SLC6A12: variants seen among roughly 807,000 people sequenced by gnomAD.
SLC6A12 encodes the protein sodium- and chloride-dependent betaine transporter.
Under a neutral mutation model 73.3 loss-of-function variants are expected in SLC6A12, and 50 were observed. The observed-to-expected ratio is 0.68, with a 90% CI of 0.54 to 0.86. The LOEUF is 0.86. Among genes scored for constraint, SLC6A12 ranks in the 40% least tolerant of loss-of-function variants. The pLI, the probability that SLC6A12 is intolerant of heterozygous loss-of-function variation, is 0.00. For synonymous variants in SLC6A12, 304 were observed against 309.2 expected (o/e 0.98, Z 0.18); for missense variants, 648 against 772.8 (o/e 0.84, Z 1.92).
intron 5 of SLC6A12, 112 bp from the exon 6 acceptor site, chr12:201,961 CT>C: frequency 1.2e-6 from 1 of 837,852 alleles, no homozygotes; most frequent in Non-Finnish European, 1.9e-6. Flanking sequence ...GCCCCAAGAG[CT>C]TCTTTTGGAG....
downstream of SLC6A12, among the ~76,000 whole-genome samples, chr12:187,549 A>T (rs2137091725): frequency 7.0e-6 from 1 of 142,614 alleles, no homozygotes; most frequent in African/African-American, 2.6e-5. Context: ...GGCAGAGTAG[A>T]CCCAAACAGT....
intron 3 of SLC6A12, among the ~76,000 whole-genome samples, chr12:209,460 C>T (rs945091842): frequency 6.6e-6 from 1 of 152,244 alleles, no homozygotes; most frequent in African/African-American, 2.4e-5. Flanking sequence ...ATCATGTTCA[C>T]TGAATGAATG....
chr12:187,189 A>C (rs532078174), downstream of SLC6A12, among the ~76,000 whole-genome samples: 9 of 152,282 alleles, frequency 5.9e-5, no homozygotes, highest in East Asian at 1.7e-3. Context: ...ACCAGTCTGC[A>C]ACTCAAACAC....
At chr12:194,838 G>A (rs2284330) in intron 13 of SLC6A12, among the ~76,000 whole-genome samples, 75,548 of 152,046 alleles carry the variant, frequency 0.5, 19,226 homozygotes, top group African/African-American at 0.59. Context: ...CTGGGTGATC[G>A]CCTCGTTGTT....
At position 213,081 on chromosome 12, in the gene SLC6A12, A is replaced by G. The variant is rs544272311; in HGVS notation, c.-143+841T>C. Among the ~76,000 whole-genome samples the G allele has an allele frequency of 1.5e-4, 23 of 152,188 alleles. No individual in the cohort carries two copies. Among genetic ancestry groups the G allele is most frequent in the Non-Finnish European group, 3.2e-4 (22 of 68,034 alleles). On this transcript the variant is annotated intron_variant, in intron 1 of 15. Coordinates refer to ENST00000684302, the MANE Select transcript of SLC6A12 (RefSeq NM_001122848.3). This position sits in a 1 kb window ranked among gnomAD's most constrained non-coding sequence, Gnocchi z 5.3. Reference sequence around the variant, plus strand: ...GCCCAGCTGGGGCTAGCAGAGGTGCAGACGAGACCAGAAATGCTGCTGCCC... The same window carrying G: ...GCCCAGCTGGGGCTAGCAGAGGTGCGGACGAGACCAGAAATGCTGCTGCCC...
chr12:203,487 G>A (rs1279970111), intron 4 of SLC6A12: 1 of 152,136 alleles, frequency 6.6e-6, no homozygotes, highest in African/African-American at 2.4e-5. Flanking sequence ...GCGGCGTTGG[G>A]GCGGCCCGGG....
rs200303640 is a variant in SLC6A12 at position 191,166 on chromosome 12, T to C, written c.1747A>G (p.Lys583Glu). 2.0e-4 allele frequency: 262 copies of C among 1,306,866 alleles called. 1 individual carries two copies. The East Asian group carries it at 6.7e-3, about 33-fold the overall frequency. 81.0% of individuals were successfully genotyped at this position (1,306,866 alleles called of 1,614,324 possible). ...ITPDSSLPQP[K>E]QHPCLDGSAG... ...CTGCCATCCAAGCAGGGATGTTGCT[T>C]GGGCTGTGGCAGACTGGAGTCAGGG... Residue 583 changes from lysine to glutamate, a missense_variant, in exon 16 of 16, where the codon AAG becomes GAG. Coordinates refer to ENST00000684302, the MANE Select transcript of SLC6A12 (RefSeq NM_001122848.3).
At chr12:186,955 C>T (rs1274304225), downstream of SLC6A12, among the ~76,000 whole-genome samples, 2 of 152,168 alleles carry the variant, frequency 1.3e-5, no homozygotes, top group African/African-American at 4.8e-5. Flanking sequence ...TCCCTTGCGT[C>T]GCACCCAAGG....
intron 4 of SLC6A12, chr12:203,692 G>C (rs216254): frequency 0.18 from 27,677 of 152,160 alleles, 3,409 homozygotes; most frequent in African/African-American, 0.34. Context: ...GGGTCAGCCC[G>C]GTGAACTAAG....
At chr12:184,836 G>A in the SLC6A12 span, among the ~76,000 whole-genome samples, 1 of 152,108 alleles carries the variant, frequency 6.6e-6, no homozygotes, top group South Asian at 2.1e-4. Flanking sequence ...GGGAGGATGA[G>A]GCAGGAGAAT....
chr12:192,916 C>T (rs1190411797), intron 14 of SLC6A12: 6 of 444,224 alleles, frequency 1.4e-5, no homozygotes, highest in African/African-American at 1.2e-4. Flanking sequence ...AAGGGAGGGG[C>T]TCGGAAGAGC....
chr12:204,695 G>C lies in SLC6A12; in HGVS notation c.218C>G (p.Ala73Gly), dbSNP rs751505177. 6.2e-7 allele frequency: 1 copy of C among 1,613,998 alleles called. No homozygotes were observed. The highest frequency in any genetic ancestry group is 8.5e-7 in the Non-Finnish European group (1 of 1,180,016). Residue 73 changes from alanine to glycine, a missense_variant, in exon 4 of 16, where the codon GCC becomes GGC. Coordinates refer to ENST00000684302, the MANE Select transcript of SLC6A12 (RefSeq NM_001122848.3). ...PYLCYKNGGG[A>G]FFIPYFIFFF... ...GAAGATGAAGTAGGGGATGAAGAAG[G>C]CTCCTGCAGAAGAGAGAGAGGCAGG...
At chr12:197,122 C>CCATCT (rs1565468979) in intron 10 of SLC6A12, among the ~76,000 whole-genome samples, 17 of 48,942 alleles carry the variant, frequency 3.5e-4, no homozygotes, top group African/African-American at 1.2e-3. Context: ...TCCATCCATC[C>CCATCT]ATCCATCCAT....
downstream of SLC6A12, among the ~76,000 whole-genome samples, chr12:187,631 A>C (rs868356891): frequency 8.2e-5 from 4 of 48,960 alleles, no homozygotes; most frequent in African/African-American, 1.5e-4. Flanking sequence ...AAAAAAAAAA[A>C]CAAACCACAC....
chr12:210,887 C>T lies in SLC6A12; in HGVS notation c.-57-844G>A, dbSNP rs537457923. Among the ~76,000 whole-genome samples, 25 of 152,320 alleles carry T rather than the reference C, an allele frequency of 1.6e-4. No homozygotes were observed. The South Asian group carries it at 1.7e-3, about 10-fold the overall frequency. On this transcript the variant is annotated intron_variant, in intron 2 of 15. Coordinates refer to ENST00000684302, the MANE Select transcript of SLC6A12 (RefSeq NM_001122848.3). ...CCCTGCCCTCCTAGAGAGCCCAAAG[C>T]TCCCTAGACCTCCAGAAAAGTGACG...
At chr12:200,090 A>G (rs1478072984) in intron 7 of SLC6A12, among the ~76,000 whole-genome samples, 1 of 149,490 alleles carries the variant, frequency 6.7e-6, no homozygotes, top group East Asian at 2.0e-4. Context: ...TCTGTTTCTA[A>G]TTTGCCCTGA....
chr12:204,560 A>C lies in SLC6A12; in HGVS notation c.349+4T>G. On this transcript the variant is annotated splice_donor_region_variant and intron_variant, in intron 4 of 15. Coordinates refer to ENST00000684302, the MANE Select transcript of SLC6A12 (RefSeq NM_001122848.3). The stretch of plus-strand genomic sequence containing the variant: ...TGAAGGGGAAGGTGGGGGAGGATAC[A>C]TACCCTGGAAGAGGGGGCAGATCTT... 6.2e-7 allele frequency: 1 copy of C among 1,614,060 alleles called. No homozygotes were observed. Among genetic ancestry groups the C allele is most frequent in the Non-Finnish European group, 8.5e-7 (1 of 1,179,972 alleles).
downstream of SLC6A12, among the ~76,000 whole-genome samples, chr12:188,088 G>A (rs1462180446): frequency 1.3e-4 from 20 of 152,246 alleles, no homozygotes; most frequent in Non-Finnish European, 1.5e-5. Context: ...CACAGGTGGA[G>A]CTGCCTCCCA....
chr12:204,318 C>T, intron 4 of SLC6A12: 1 of 499,082 alleles, frequency 2.0e-6, no homozygotes, highest in Non-Finnish European at 3.6e-6. Flanking sequence ...CCCCAAGAGG[C>T]ATCAGCACCA....
Sources: gnomAD v4.1 joint callset for allele counts (sites outside exome capture counted in the v4.1 genomes callset) on GRCh38, gnomAD v4.1.1 for gene constraint, Gnocchi (gnomAD v3.1) non-coding constraint, MANE v1.5 for transcripts, NCBI Gene and HGNC (gene_info 2026-07-23, HGNC 2026-07-21) for gene names.